DRC4: variants seen among roughly 807,000 people sequenced by gnomAD.
The protein encoded by DRC4 is GAS-11.
the DRC4 span, chr16:90,036,918 C>T: frequency 2.0e-5 from 11 of 550,916 alleles, no homozygotes; most frequent in South Asian, 4.0e-5. Context: ...TCACTGCCTG[C>T]GACAGGTGGA....
At chr16:90,028,900 C>T in the DRC4 span, 1 of 1,266,132 alleles carries the variant, frequency 7.9e-7, no homozygotes, top group Non-Finnish European at 1.0e-6. Context: ...AGGCAGAGGT[C>T]CTTGAACAAT....
the DRC4 span, chr16:90,040,148 G>T: frequency 1.4e-6 from 1 of 722,206 alleles, no homozygotes; most frequent in Non-Finnish European, 2.4e-6. Context: ...CGCAGGCAGT[G>T]TGGACAACAC....
chr16:90,042,124 CG>C, the DRC4 span, among the ~76,000 whole-genome samples: 1 of 151,944 alleles, frequency 6.6e-6, no homozygotes, highest in Admixed American at 6.6e-5. Context: ...ATAGTAGAGA[CG>C]GGGTTTCGCC....
the DRC4 span, chr16:90,037,343 A>T: frequency 1.2e-6 from 2 of 1,613,898 alleles, no homozygotes; most frequent in African/African-American, 2.7e-5. Flanking sequence ...TCGGGAGGAG[A>T]TGAGCGAGAT....
chr16:90,032,698 G>A, the DRC4 span: 3 of 1,611,444 alleles, frequency 1.9e-6, no homozygotes, highest in Admixed American at 1.7e-5. Context: ...TGAGCAGATG[G>A]TACTCCCATT....
the DRC4 span, chr16:90,029,629 AC>A: frequency 4.3e-6 from 1 of 232,310 alleles, no homozygotes; most frequent in Non-Finnish European, 9.1e-6. Context: ...TCGGCTCAGA[AC>A]CCCTCCTGCT....
chr16:90,028,173 A>ATTTTTTTTTTTT, the DRC4 span, among the ~76,000 whole-genome samples: 191 of 63,850 alleles, frequency 3.0e-3, 35 homozygotes, highest in African/African-American at 3.5e-3. Flanking sequence ...TTAATCGTTC[A>ATTTTTTTTTTTT]TTTTTTTTTT....
the DRC4 span, among the ~76,000 whole-genome samples, chr16:90,021,856 C>CAA: frequency 2.4e-4 from 7 of 28,906 alleles, no homozygotes; most frequent in Admixed American, 3.8e-4. Context: ...ACCCTGTCTC[C>CAA]AAAAAAAAAA....
the DRC4 span, chr16:90,044,170 T>A: frequency 2.2e-6 from 1 of 454,752 alleles, no homozygotes; most frequent in Admixed American, 2.4e-5. Flanking sequence ...CTGCGGCGGC[T>A]CCAGTGTGGG....
chr16:90,032,499 A>G, the DRC4 span, among the ~76,000 whole-genome samples: 1 of 146,508 alleles, frequency 6.8e-6, no homozygotes, highest in South Asian at 2.2e-4. Context: ...GGGTACGGAC[A>G]GGTGAGGAGG....
At chr16:90,023,915 C>T in the DRC4 span, among the ~76,000 whole-genome samples, 1 of 150,598 alleles carries the variant, frequency 6.6e-6, no homozygotes, top group Non-Finnish European at 1.5e-5. Context: ...TCACTTGGAC[C>T]TGGGAGGCGG....
the DRC4 span, among the ~76,000 whole-genome samples, chr16:90,041,976 C>T: frequency 1.3e-5 from 2 of 152,056 alleles, no homozygotes; most frequent in East Asian, 3.9e-4. Context: ...CTTGCTCTGT[C>T]ACCCAGACTG....
the DRC4 span, chr16:90,036,050 T>C: frequency 4.1e-6 from 3 of 734,000 alleles, no homozygotes; most frequent in African/African-American, 5.3e-5. Flanking sequence ...GTTTTACTAA[T>C]AAAGGCTGAT....
the DRC4 span, chr16:90,036,396 A>T: frequency 6.2e-7 from 1 of 1,606,222 alleles, no homozygotes; most frequent in South Asian, 1.1e-5. Flanking sequence ...GAGGCCAAGT[A>T]TGATAAGAAG....
At chr16:90,032,764 A>G in the DRC4 span, 12 of 1,613,842 alleles carry the variant, frequency 7.4e-6, no homozygotes, top group Middle Eastern at 1.6e-4. Context: ...CACCAGAACA[A>G]CCTGACAGAG....
the DRC4 span, among the ~76,000 whole-genome samples, chr16:90,026,183 C>T: frequency 6.6e-6 from 1 of 152,094 alleles, no homozygotes; most frequent in African/African-American, 2.4e-5. Flanking sequence ...CTGGGAGTAG[C>T]AAAGTCAGCA....
the DRC4 span, chr16:90,027,560 T>A: frequency 6.9e-7 from 1 of 1,456,456 alleles, no homozygotes; most frequent in Non-Finnish European, 9.6e-7. Context: ...CTGCCAAATG[T>A]TCCTGGGAGC....
At chr16:90,028,021 CT>C in the DRC4 span, 10 of 376,292 alleles carry the variant, frequency 2.7e-5, no homozygotes, top group East Asian at 4.6e-5. Context: ...CAATCTTACC[CT>C]TTTTTTGCAC....
At chr16:90,039,832 A>G in the DRC4 span, 12 of 194,218 alleles carry the variant, frequency 6.2e-5, no homozygotes, top group Middle Eastern at 2.2e-3. Flanking sequence ...CAGATCCACC[A>G]TTTGTGGGGC....
Sources: gnomAD v4.1 joint callset for allele counts (sites outside exome capture counted in the v4.1 genomes callset) on GRCh38, gnomAD v4.1.1 for gene constraint, MANE v1.5 for transcripts, NCBI Gene and HGNC (gene_info 2026-07-23, HGNC 2026-07-21) for gene names.